Variants in RGS6 observed in about 807,000 individuals in gnomAD.
RGS6 encodes the protein regulator of G-protein signaling 6.
In RGS6, 30 loss-of-function variants were observed where a neutral mutation model predicts 78.5. That is an observed-to-expected ratio of 0.38 (90% CI 0.29 to 0.52). The LOEUF (loss-of-function observed/expected upper bound fraction) is 0.52. RGS6 is among the 20% of genes least tolerant of loss of function. The pLI, the probability that RGS6 is intolerant of heterozygous loss-of-function variation, is 0.85. For synonymous variants in RGS6, 206 were observed against 206.0 expected (o/e 1.00, Z 0.00); for missense variants, 495 against 609.7 (o/e 0.81, Z 1.98).
intron 15 of RGS6, among the ~76,000 whole-genome samples, chr14:72,519,063 C>T (rs967528701): frequency 1.3e-5 from 2 of 152,200 alleles, no homozygotes; most frequent in Non-Finnish European, 2.9e-5. Flanking sequence ...CTGTTCTCAC[C>T]GAGGTTGAGT....
At chr14:72,225,761 C>A (rs2047985538) in intron 2 of RGS6, among the ~76,000 whole-genome samples, 1 of 152,172 alleles carries the variant, frequency 6.6e-6, no homozygotes, top group Admixed American at 6.5e-5. Context: ...TAGGGTCATA[C>A]TATATTTAGT....
chr14:72,248,287 C>T (rs1328946432), intron 2 of RGS6, among the ~76,000 whole-genome samples: 1 of 152,168 alleles, frequency 6.6e-6, no homozygotes, highest in East Asian at 1.9e-4. Flanking sequence ...GAGAAGCCAG[C>T]TGTGGTCCAT....
chr14:72,250,659 C>G (rs2055515037), intron 2 of RGS6, among the ~76,000 whole-genome samples: 2 of 152,122 alleles, frequency 1.3e-5, no homozygotes, highest in African/African-American at 4.8e-5. Flanking sequence ...AAGCCCATGT[C>G]TGAGAGATTG....
intron 2 of RGS6, among the ~76,000 whole-genome samples, chr14:72,264,072 C>T (rs991435902): frequency 6.6e-6 from 1 of 152,126 alleles, no homozygotes; most frequent in South Asian, 2.1e-4. Flanking sequence ...ATTCATACTA[C>T]GTAGGATAAA....
rs187288418 is a variant in RGS6 at position 72,075,886 on chromosome 14, G to A, written c.84+111011G>A. Reference sequence around the variant, plus strand: ...AAAACCTCATCAGTTGTCTCTATTCGTCTGACCAAAGTCCGTGGGAAGAGC... The same window carrying A: ...AAAACCTCATCAGTTGTCTCTATTCATCTGACCAAAGTCCGTGGGAAGAGC... On this transcript the variant is annotated intron_variant, in intron 2 of 17. Coordinates refer to ENST00000553525, the MANE Select transcript of RGS6 (RefSeq NM_001204424.2). Among the ~76,000 whole-genome samples, 97 of 152,260 alleles carry A rather than the reference G, an allele frequency of 6.4e-4. 2 individuals are homozygous for A. The South Asian group carries it at 0.017, about 27-fold the overall frequency.
At chr14:72,003,656 C>T (rs2153223859) in intron 2 of RGS6, among the ~76,000 whole-genome samples, 1 of 152,188 alleles carries the variant, frequency 6.6e-6, no homozygotes, top group South Asian at 2.1e-4. Flanking sequence ...CAGAAAGCAG[C>T]CTCTTATAGT....
At chr14:72,037,061 T>G (rs1380650518) in intron 2 of RGS6, among the ~76,000 whole-genome samples, 1 of 152,080 alleles carries the variant, frequency 6.6e-6, no homozygotes, top group Non-Finnish European at 1.5e-5. Flanking sequence ...AACACACCAA[T>G]CAGCGCTTTG....
At chr14:71,953,963 G>T (rs2092567098) in intron 1 of RGS6, among the ~76,000 whole-genome samples, 1 of 115,834 alleles carries the variant, frequency 8.6e-6, no homozygotes. Context: ...AGAATTCTAA[G>T]TGGGCGTTTT....
At chr14:72,362,347 T>G (rs996666876) in intron 3 of RGS6, among the ~76,000 whole-genome samples, 14 of 152,214 alleles carry the variant, frequency 9.2e-5, no homozygotes, top group Admixed American at 2.6e-4. Context: ...ATATCAGTTA[T>G]CTATTTCTGT....
intron 2 of RGS6, among the ~76,000 whole-genome samples, chr14:72,074,943 AC>A (rs2094525910): frequency 6.6e-6 from 1 of 152,128 alleles, no homozygotes; most frequent in Admixed American, 6.6e-5. Flanking sequence ...TTCCATTCTT[AC>A]TGATGTGGAA....
chr14:72,122,938 C>T (rs1019653673), intron 2 of RGS6, among the ~76,000 whole-genome samples: 4 of 152,204 alleles, frequency 2.6e-5, no homozygotes, highest in Non-Finnish European at 4.4e-5. Context: ...CCTTCTAGAT[C>T]TTAACATTTA....
the RGS6 span, among the ~76,000 whole-genome samples, chr14:71,912,280 C>T: frequency 6.6e-6 from 1 of 152,188 alleles, no homozygotes; most frequent in Non-Finnish European, 1.5e-5. Flanking sequence ...ATGTCCTGTC[C>T]TGTCCTGGCT....
At chr14:71,901,309 A>G in the RGS6 span, among the ~76,000 whole-genome samples, 1 of 152,230 alleles carries the variant, frequency 6.6e-6, no homozygotes, top group East Asian at 1.9e-4. Flanking sequence ...TGGTTCTACC[A>G]CAAACCAGTT....
intron 3 of RGS6, among the ~76,000 whole-genome samples, chr14:72,372,775 C>G (rs1301506610): frequency 6.6e-6 from 1 of 152,190 alleles, no homozygotes; most frequent in Non-Finnish European, 1.5e-5. Context: ...GGGTGTTAAC[C>G]TTCTCACTGA....
chr14:72,345,278 C>T (rs540297584), intron 2 of RGS6, among the ~76,000 whole-genome samples: 47 of 152,304 alleles, frequency 3.1e-4, no homozygotes, highest in Middle Eastern at 3.4e-3. Flanking sequence ...GCAATGTCAG[C>T]ACCACACACA....
chr14:71,922,269 A>G, the RGS6 span, among the ~76,000 whole-genome samples: 1 of 152,200 alleles, frequency 6.6e-6, no homozygotes, highest in African/African-American at 2.4e-5. Context: ...TATCAGCTAA[A>G]TGTTATTCTG....
chr14:72,540,899 C>T (rs765643592), intron 17 of RGS6: 10 of 985,390 alleles, frequency 1.0e-5, no homozygotes, highest in Non-Finnish European at 1.2e-5. Flanking sequence ...GCCGTGGCAA[C>T]AGGTGGGAGT....
chr14:72,292,731 G>C (rs923463210), intron 2 of RGS6, among the ~76,000 whole-genome samples: 5 of 152,168 alleles, frequency 3.3e-5, no homozygotes, highest in Non-Finnish European at 7.4e-5. Context: ...TTTCTTAAGA[G>C]CATAAAAAGT....
Position 72,528,938 on chromosome 14 carries a change from T to C in RGS6, c.1279-7248T>C, listed in dbSNP as rs552142616. On this transcript the variant is annotated intron_variant, in intron 15 of 17. Coordinates refer to ENST00000553525, the MANE Select transcript of RGS6 (RefSeq NM_001204424.2). ...GTCACTGCCAAGAGCTTTGTACACT[T>C]GCTGTCCCTGGCAGTGATAAACTCA... 2.0e-5 allele frequency among the ~76,000 whole-genome samples: 3 copies of C among 152,304 alleles called. No homozygotes were observed. In the East Asian group the frequency reaches 5.8e-4, roughly 29 times the overall value.
Sources: allele counts gnomAD v4.1 joint callset (sites outside exome capture counted in the v4.1 genomes callset), GRCh38; gene constraint gnomAD v4.1.1; transcripts MANE v1.5; gene names NCBI Gene and HGNC (gene_info 2026-07-23, HGNC 2026-07-21).